TMEM132D: variants seen among roughly 807,000 people sequenced by gnomAD.
TMEM132D encodes mature OL transmembrane protein.
TMEM132D carries 21 observed loss-of-function variants against 62.3 expected under a neutral mutation model. That is an observed-to-expected ratio of 0.34 (90% CI 0.24 to 0.49). TMEM132D has a LOEUF of 0.49. Ranked by LOEUF, TMEM132D falls within the 20% of genes least tolerant of loss-of-function variation. TMEM132D has a pLI of 0.99. For missense variants in TMEM132D, 1,346 were observed against 1,402.8 expected (o/e 0.96, Z 0.65); for synonymous variants, 621 against 575.6 (o/e 1.08, Z -1.13).
chr12:129,710,446 C>A (rs1454512562), intron 1 of TMEM132D, among the ~76,000 whole-genome samples: 1 of 152,054 alleles, frequency 6.6e-6, no homozygotes, highest in Non-Finnish European at 1.5e-5. Flanking sequence ...CAGGTGCCTG[C>A]CACCACACCT....
chr12:129,159,528 G>T (rs1877337822), intron 5 of TMEM132D, among the ~76,000 whole-genome samples: 1 of 152,122 alleles, frequency 6.6e-6, no homozygotes, highest in Non-Finnish European at 1.5e-5. Flanking sequence ...AGGCTGAGGT[G>T]GGCAGATCAC....
intron 2 of TMEM132D, among the ~76,000 whole-genome samples, chr12:129,657,026 T>C (rs977386494): frequency 2.0e-5 from 3 of 152,210 alleles, no homozygotes; most frequent in Non-Finnish European, 2.9e-5. Context: ...ATAAAACAGA[T>C]GAACTGAAAT....
chr12:129,591,553 C>A (rs1254857108), intron 2 of TMEM132D, among the ~76,000 whole-genome samples: 1 of 143,658 alleles, frequency 7.0e-6, no homozygotes, highest in South Asian at 2.2e-4. Context: ...TTTTTTTTCT[C>A]GGTTTTAGGA....
intron 2 of TMEM132D, among the ~76,000 whole-genome samples, chr12:129,568,235 C>G (rs950137643): frequency 3.3e-5 from 5 of 152,216 alleles, no homozygotes; most frequent in Non-Finnish European, 7.3e-5. Context: ...TTTTCAGTTT[C>G]CTAAGGCAGG....
rs957136638 is a variant in TMEM132D at position 129,277,389 on chromosome 12, C to A, written c.1299+60245G>T. On this transcript the variant is annotated intron_variant, in intron 4 of 8. Coordinates refer to ENST00000422113, the MANE Select transcript of TMEM132D (RefSeq NM_133448.3). This position sits in a 1 kb window ranked among gnomAD's most constrained non-coding sequence, Gnocchi z 4.2. ...TTCACACAGAGATCTACTCTTACTG[C>A]CACAAAGAATTTCAATATTAAATTT... is the stretch of plus-strand genomic sequence containing the variant. 4.6e-5 allele frequency among the ~76,000 whole-genome samples: 7 copies of A among 152,102 alleles called. No individual in the cohort carries two copies. The highest frequency in any genetic ancestry group is 1.4e-4 in the African/African-American group (6 of 41,416).
At chr12:129,164,721 T>C (rs906172901) in intron 5 of TMEM132D, among the ~76,000 whole-genome samples, 1 of 152,094 alleles carries the variant, frequency 6.6e-6, no homozygotes, top group Non-Finnish European at 1.5e-5. Flanking sequence ...TCAGATCTCA[T>C]GAGAATTTAC....
At chr12:129,766,753 G>T (rs1870566554) in intron 1 of TMEM132D, among the ~76,000 whole-genome samples, 2 of 152,056 alleles carry the variant, frequency 1.3e-5, no homozygotes, top group African/African-American at 2.4e-5. Context: ...TCTCCTGAAG[G>T]TCACTATCCC....
chr12:129,609,693 C>T (rs2137150049), intron 2 of TMEM132D, among the ~76,000 whole-genome samples: 1 of 152,298 alleles, frequency 6.6e-6, no homozygotes, highest in Middle Eastern at 3.4e-3. Flanking sequence ...AGTGTCTCCT[C>T]ATCCCACGAA....
At chr12:129,642,025 A>G (rs1879652409) in intron 2 of TMEM132D, among the ~76,000 whole-genome samples, 1 of 152,032 alleles carries the variant, frequency 6.6e-6, no homozygotes, top group South Asian at 2.1e-4. Flanking sequence ...CAAGCAGAAA[A>G]TGCAGCAGTT....
chr12:129,334,968 T>C (rs1869227192), intron 4 of TMEM132D, among the ~76,000 whole-genome samples: 1 of 152,180 alleles, frequency 6.6e-6, no homozygotes, highest in African/African-American at 2.4e-5. Context: ...ACTCTTCTTA[T>C]GTTGTAAAAT....
intron 3 of TMEM132D, among the ~76,000 whole-genome samples, chr12:129,444,362 C>T (rs1248610637): frequency 2.0e-5 from 3 of 151,506 alleles, no homozygotes; most frequent in South Asian, 2.1e-4. Flanking sequence ...ACAATACATT[C>T]GACAAAGGCC....
At chr12:129,582,822 A>C (rs143157663) in intron 2 of TMEM132D, among the ~76,000 whole-genome samples, 1,967 of 152,264 alleles carry the variant, frequency 0.013, 50 homozygotes, top group African/African-American at 0.045. Context: ...ACAGGGTTTC[A>C]CCATGTTGGC....
intron 3 of TMEM132D, among the ~76,000 whole-genome samples, chr12:129,406,917 C>G (rs934641939): frequency 4.6e-5 from 7 of 152,180 alleles, no homozygotes; most frequent in African/African-American, 1.7e-4. Flanking sequence ...CTCCCTGTCT[C>G]GTATCTGCCT....
intron 3 of TMEM132D, among the ~76,000 whole-genome samples, chr12:129,484,239 G>C (rs1015404728): frequency 1.2e-4 from 18 of 152,134 alleles, no homozygotes; most frequent in African/African-American, 3.6e-4. Flanking sequence ...CAAAGTGCTG[G>C]GAGTCAACGT....
intron 2 of TMEM132D, among the ~76,000 whole-genome samples, chr12:129,641,296 G>A (rs1180241869): frequency 1.3e-5 from 2 of 152,082 alleles, no homozygotes; most frequent in Non-Finnish European, 2.9e-5. Flanking sequence ...CTCACGACTT[G>A]TGTATTCATT....
chr12:129,676,912 C>T (rs1297295875), intron 2 of TMEM132D, among the ~76,000 whole-genome samples: 1 of 152,182 alleles, frequency 6.6e-6, no homozygotes, highest in Non-Finnish European at 1.5e-5. Flanking sequence ...CACCCATCTA[C>T]CTATCCATTC....
rs192788554 is a variant in TMEM132D, at chr12:129,317,883, A to C, written c.1299+19751T>G. Among the ~76,000 whole-genome samples the C allele has an allele frequency of 3.0e-3, 458 of 152,234 alleles. 3 individuals carry two copies. Among genetic ancestry groups the C allele is most frequent in the African/African-American group, 0.01 (434 of 41,554 alleles). On this transcript the variant is annotated intron_variant, in intron 4 of 8. Coordinates refer to ENST00000422113, the MANE Select transcript of TMEM132D (RefSeq NM_133448.3). ...TCTTTGTTGGGTTGGGTTAATTCAA[A>C]GATCTTGTCTTCAAGCTCTGAATTT...
At chr12:129,249,765 C>T (rs1479059401) in intron 4 of TMEM132D, among the ~76,000 whole-genome samples, 1 of 152,092 alleles carries the variant, frequency 6.6e-6, no homozygotes, top group Non-Finnish European at 1.5e-5. Flanking sequence ...GAGTAGCTCA[C>T]AGAATCGCTG....
intron 2 of TMEM132D, among the ~76,000 whole-genome samples, chr12:129,574,521 G>T (rs967769210): frequency 6.6e-5 from 10 of 151,894 alleles, no homozygotes; most frequent in Non-Finnish European, 1.3e-4. Flanking sequence ...CCAGAGCAGC[G>T]ATTGTGTGCA....
Sources: allele counts gnomAD v4.1 joint callset (sites outside exome capture counted in the v4.1 genomes callset), GRCh38; gene constraint gnomAD v4.1.1; non-coding constraint Gnocchi (gnomAD v3.1); transcripts MANE v1.5; gene names NCBI Gene and HGNC (gene_info 2026-07-23, HGNC 2026-07-21).